UNC5C: variants seen among roughly 807,000 people sequenced by gnomAD.
UNC5C encodes unc-5 netrin receptor C, also known as netrin receptor UNC5C.
UNC5C carries 47 observed loss-of-function variants against 99.8 expected under a neutral mutation model. That is an observed-to-expected ratio of 0.47 (90% confidence interval 0.37 to 0.60). The LOEUF is 0.60. Ranked by LOEUF, UNC5C falls within the 20% of genes least tolerant of loss-of-function variation. UNC5C has a pLI of 0.00. For missense variants in UNC5C, 1,062 were observed against 1,165.9 expected, an observed-to-expected ratio of 0.91 and a Z score of 1.30; for synonymous variants, 487 against 452.2, an observed-to-expected ratio of 1.08 and a Z score of -0.98.
intron 1 of UNC5C, among the ~76,000 whole-genome samples, chr4:95,493,437 T>C (rs1332361291): frequency 6.6e-6 from 1 of 151,610 alleles, no homozygotes; most frequent in East Asian, 1.9e-4. Context: ...ACCGAAGTTT[T>C]ATTGTGTACA....
chr4:95,456,727 T>C (rs1386241890), intron 1 of UNC5C, among the ~76,000 whole-genome samples: 1 of 152,180 alleles, frequency 6.6e-6, no homozygotes, highest in Non-Finnish European at 1.5e-5. Context: ...TGAAAGTTTT[T>C]CTTTTTAAAA....
intron 1 of UNC5C, among the ~76,000 whole-genome samples, chr4:95,462,041 G>GT (rs891040909): frequency 6.8e-4 from 102 of 150,802 alleles, no homozygotes; most frequent in African/African-American, 2.1e-3. Context: ...AGAGCCTTGG[G>GT]TTTTTTTTTA....
chr4:95,400,444 G>A (rs956704571), intron 1 of UNC5C, among the ~76,000 whole-genome samples: 8 of 133,398 alleles, frequency 6.0e-5, no homozygotes, highest in African/African-American at 2.3e-4. Context: ...CCCAGGCTGA[G>A]TGCAGTGGCA....
intron 1 of UNC5C, among the ~76,000 whole-genome samples, chr4:95,476,381 A>G (rs1364087387): frequency 2.0e-5 from 3 of 152,144 alleles, no homozygotes; most frequent in Non-Finnish European, 4.4e-5. Flanking sequence ...CTTTGCAGTC[A>G]TAAAAGGAAT....
chr4:95,232,612 C>T (rs1294780319), intron 7 of UNC5C, among the ~76,000 whole-genome samples: 1 of 152,106 alleles, frequency 6.6e-6, no homozygotes, highest in Admixed American at 6.5e-5. Flanking sequence ...AGGTCCCTTT[C>T]CACCTAGAAT....
chr4:95,177,325 C>T (rs185113669), intron 14 of UNC5C, among the ~76,000 whole-genome samples: 1 of 152,300 alleles, frequency 6.6e-6, no homozygotes, highest in Non-Finnish European at 1.5e-5. Context: ...TAACTGGCCA[C>T]ACCCAGTTTC....
chr4:95,169,195 G>C lies in UNC5C; in HGVS notation c.*39C>G. 1 of 1,609,426 alleles carries C rather than the reference G, an allele frequency of 6.2e-7. No individual in the cohort carries two copies. The highest frequency in any genetic ancestry group is 8.5e-7 in the Non-Finnish European group (1 of 1,176,466). On this transcript the variant is annotated 3_prime_UTR_variant, in exon 16 of 16. Transcript: ENST00000453304. ...TCACCTGGACGGCCACAGACTCCCT[G>C]TGCATTTTTGTCCTTCATTTCCCCT...
intron 1 of UNC5C, among the ~76,000 whole-genome samples, chr4:95,401,664 C>G (rs1745704623): frequency 6.6e-6 from 1 of 152,154 alleles, no homozygotes; most frequent in Non-Finnish European, 1.5e-5. Flanking sequence ...TGTTCAGCGC[C>G]TCTTCGTGAT....
At chr4:95,358,109 A>T (rs951750283) in intron 1 of UNC5C, among the ~76,000 whole-genome samples, 2 of 152,190 alleles carry the variant, frequency 1.3e-5, no homozygotes, top group Non-Finnish European at 2.9e-5. Context: ...CAACAAAAAA[A>T]ACACCACTGC....
chr4:95,234,086 ATCTT>A (rs763625672), intron 7 of UNC5C, among the ~76,000 whole-genome samples: 4 of 152,138 alleles, frequency 2.6e-5, no homozygotes, highest in Admixed American at 6.6e-5. Flanking sequence ...CTTCTTCTGT[ATCTT>A]TCTATGTGTC....
chr4:95,453,871 A>C (rs549693177), intron 1 of UNC5C, among the ~76,000 whole-genome samples: 28 of 152,252 alleles, frequency 1.8e-4, no homozygotes, highest in African/African-American at 6.0e-4. Context: ...TCATTCCTCA[A>C]GAAAAATGAG....
At chr4:95,270,330 C>T (rs1441910330) in intron 4 of UNC5C, among the ~76,000 whole-genome samples, 2 of 152,142 alleles carry the variant, frequency 1.3e-5, no homozygotes, top group East Asian at 1.9e-4. Context: ...TACTTTGCAC[C>T]TTTCAGTAGG....
At chr4:95,189,131 C>G (rs992555533) in intron 12 of UNC5C, among the ~76,000 whole-genome samples, 1 of 152,186 alleles carries the variant, frequency 6.6e-6, no homozygotes, top group Non-Finnish European at 1.5e-5. Flanking sequence ...GAAACCTGAA[C>G]GTCAAGTTCC....
chr4:95,347,789 C>T (rs1211168940), intron 1 of UNC5C, among the ~76,000 whole-genome samples: 1 of 151,928 alleles, frequency 6.6e-6, no homozygotes, highest in Admixed American at 6.6e-5. Context: ...AATCTAAGAC[C>T]TCAAACCATG....
At chr4:95,182,759 C>T in intron 14 of UNC5C, 138 bp downstream of exon 14, 1 of 855,468 alleles carries the variant, frequency 1.2e-6, no homozygotes, top group South Asian at 4.0e-5. Context: ...AAATATTATT[C>T]TATTAACAAA....
At chr4:95,454,089 T>C (rs1443238534) in intron 1 of UNC5C, among the ~76,000 whole-genome samples, 1 of 152,036 alleles carries the variant, frequency 6.6e-6, no homozygotes, top group Non-Finnish European at 1.5e-5. Flanking sequence ...GGGGTGGTAG[T>C]TGCACAATAT....
chr4:95,424,223 C>T (rs1746397999), intron 1 of UNC5C, among the ~76,000 whole-genome samples: 3 of 151,968 alleles, frequency 2.0e-5, no homozygotes, highest in African/African-American at 7.3e-5. Context: ...AAAAAATAAA[C>T]CGGAATAACC....
intron 1 of UNC5C, among the ~76,000 whole-genome samples, chr4:95,363,919 G>A (rs1744473622): frequency 6.6e-6 from 1 of 152,130 alleles, no homozygotes; most frequent in Non-Finnish European, 1.5e-5. Flanking sequence ...ACTTCTGGGG[G>A]AAGCAATTGA....
intron 12 of UNC5C, among the ~76,000 whole-genome samples, chr4:95,201,838 T>G (rs1263799050): frequency 6.6e-6 from 1 of 152,152 alleles, no homozygotes; most frequent in Non-Finnish European, 1.5e-5. Flanking sequence ...TCTCCTGACC[T>G]CGTGATCCAC....
Sources: allele counts gnomAD v4.1 joint callset (sites outside exome capture counted in the v4.1 genomes callset), GRCh38; gene constraint gnomAD v4.1.1; transcripts MANE v1.5; gene names NCBI Gene and HGNC (gene_info 2026-07-23, HGNC 2026-07-21).